The following YIPF7 variants were observed in gnomAD, a reference collection of about 807,000 sequenced individuals.
YIPF7 encodes protein YIPF7.
A neutral mutation model predicts 27.2 loss-of-function variants in YIPF7; 35 were observed. The ratio of observed to expected loss-of-function variants is 1.29; its 90% CI spans 0.98 to 1.70. YIPF7 has a LOEUF of 1.70. YIPF7 is among the 40% of genes most tolerant of loss of function. The probability of loss-of-function intolerance (pLI) is 0.00; values close to 1 mark genes in which losing one functional copy is unlikely to be tolerated. For synonymous variants in YIPF7, 137 were observed against 110.4 expected (o/e 1.24, Z -1.51); for missense variants, 358 against 303.7 (o/e 1.18, Z -1.33).
chr4:44,644,004 C>T (rs1442681412), intron 2 of YIPF7, among the ~76,000 whole-genome samples: 1 of 152,092 alleles, frequency 6.6e-6, no homozygotes, highest in Admixed American at 6.6e-5. Context: ...ACACAGAGTC[C>T]CTCACAGTGC....
intron 4 of YIPF7, chr4:44,629,182 T>C (rs527803011): frequency 9.6e-5 from 40 of 416,930 alleles, no homozygotes; most frequent in Middle Eastern, 1.3e-3. Flanking sequence ...CCTGCTTTGA[T>C]CTGCTTCTTG....
At chr4:44,654,348 G>C (rs1713827203), upstream of YIPF7, among the ~76,000 whole-genome samples, 1 of 151,950 alleles carries the variant, frequency 6.6e-6, no homozygotes, top group African/African-American at 2.4e-5. Context: ...GACCAAAAAG[G>C]CTGCATTAGG....
chr4:44,649,683 G>A (rs533709936), intron 2 of YIPF7, among the ~76,000 whole-genome samples: 1 of 151,832 alleles, frequency 6.6e-6, no homozygotes, highest in African/African-American at 2.4e-5. Context: ...CGAGGCTGAG[G>A]CACAGAATCG....
At chr4:44,624,215 C>A (rs966531162) in intron 5 of YIPF7, among the ~76,000 whole-genome samples, 1 of 151,920 alleles carries the variant, frequency 6.6e-6, no homozygotes, top group African/African-American at 2.4e-5. Flanking sequence ...CAGGCCTGCG[C>A]CACCATGCCT....
chr4:44,622,791 C>G (rs55637944), intron 5 of YIPF7, among the ~76,000 whole-genome samples: 21,293 of 152,132 alleles, frequency 0.14, 1,578 homozygotes, highest in Admixed American at 0.22. Flanking sequence ...TTCTGTTAAA[C>G]CTGAATTAGA....
At chr4:44,624,057 TC>T (rs1712532664) in intron 5 of YIPF7, among the ~76,000 whole-genome samples, 1 of 148,462 alleles carries the variant, frequency 6.7e-6, no homozygotes, top group African/African-American at 2.6e-5. Flanking sequence ...TTTTTCTCTC[TC>T]TCTTTTTTTT....
intron 4 of YIPF7, among the ~76,000 whole-genome samples, chr4:44,626,460 C>T (rs1408493818): frequency 6.6e-6 from 1 of 152,160 alleles, no homozygotes; most frequent in East Asian, 1.9e-4. Context: ...GGACATCTAA[C>T]TGGACCTTCC....
intron 2 of YIPF7, among the ~76,000 whole-genome samples, chr4:44,636,310 T>C (rs1402583005): frequency 6.6e-6 from 1 of 152,188 alleles, no homozygotes; most frequent in East Asian, 1.9e-4. Flanking sequence ...TAATTGAGCA[T>C]GGACAACATG....
upstream of YIPF7, among the ~76,000 whole-genome samples, chr4:44,655,722 T>G (rs1246575616): frequency 2.0e-5 from 3 of 152,094 alleles, no homozygotes; most frequent in Non-Finnish European, 4.4e-5. Flanking sequence ...TTATTTTTAA[T>G]GCATTTTTAT....
At chr4:44,640,927 G>C (rs1429150699) in intron 2 of YIPF7, among the ~76,000 whole-genome samples, 1 of 151,956 alleles carries the variant, frequency 6.6e-6, no homozygotes, top group Non-Finnish European at 1.5e-5. Flanking sequence ...CTAGAATGGT[G>C]TCTTACTTTA....
chr4:44,654,945 GT>G (rs988548605), upstream of YIPF7, among the ~76,000 whole-genome samples: 13 of 152,038 alleles, frequency 8.6e-5, no homozygotes, highest in African/African-American at 2.9e-4. Context: ...TAAAAAGACT[GT>G]AAAAATACAC....
At position 44,624,587 on chromosome 4, in the gene YIPF7, A is replaced by G. The variant is rs1712556878; in HGVS notation, c.608+14T>C. On this transcript the variant is annotated intron_variant, in intron 5 of 5. Transcript: ENST00000415895. ...TTGTGCATGTGGGGTCATTGAGAGC[A>G]CACAGACACTTACTGCAGTGAAAAG... 2 of 1,564,174 alleles carry G rather than the reference A, an allele frequency of 1.3e-6. No individual in the cohort carries two copies. Among genetic ancestry groups the G allele is most frequent in the Non-Finnish European group, 8.6e-7 (1 of 1,156,368 alleles).
chr4:44,641,326 A>G (rs149613518), intron 2 of YIPF7, among the ~76,000 whole-genome samples: 1 of 152,314 alleles, frequency 6.6e-6, no homozygotes, highest in African/African-American at 2.4e-5. Flanking sequence ...CATGCTTGAA[A>G]TGCTTCAAGT....
intron 2 of YIPF7, among the ~76,000 whole-genome samples, chr4:44,640,723 T>A (rs1478640065): frequency 6.6e-6 from 1 of 152,118 alleles, no homozygotes; most frequent in Non-Finnish European, 1.5e-5. Context: ...GCAACTCTCA[T>A]CCTGCTCAAG....
intron 4 of YIPF7, among the ~76,000 whole-genome samples, chr4:44,628,028 A>C (rs1712735226): frequency 6.6e-6 from 1 of 152,200 alleles, no homozygotes; most frequent in Non-Finnish European, 1.5e-5. Flanking sequence ...GCTTTATTAC[A>C]AATGACTTGT....
intron 2 of YIPF7, among the ~76,000 whole-genome samples, chr4:44,656,796 TAG>T (rs926258093): frequency 6.6e-6 from 1 of 152,086 alleles, no homozygotes; most frequent in African/African-American, 2.4e-5. Flanking sequence ...AGACTGCAAT[TAG>T]AGATTCAACG....
Position 44,622,442 on chromosome 4 carries a change from CCAT to C in YIPF7, c.740_742del (p.Tyr247_Gly248delinsTer), listed in dbSNP as rs1310702345. The C allele has an allele frequency of 6.2e-7, 1 of 1,613,334 alleles. No homozygotes were observed. The highest frequency in any genetic ancestry group is 8.5e-7 in the Non-Finnish European group (1 of 1,179,652). ...GAAAATTGTTAGGAGGGCAAAAAGT[CCAT>C]AAAGTATGGCACAAGGGTAGGCAAC... On this transcript the variant is annotated stop_gained and inframe_deletion, in exon 6 of 6. Transcript: ENST00000415895. LOFTEE classifies it high-confidence loss of function.
At position 44,636,066 on chromosome 4, in the gene YIPF7, G is replaced by A. The variant is rs1713109903; in HGVS notation, c.136C>T (p.Pro46Ser). 6.2e-7 allele frequency: 1 copy of A among 1,611,090 alleles called. No individual in the cohort carries two copies. The highest frequency in any genetic ancestry group is 8.5e-7 in the Non-Finnish European group (1 of 1,178,182). ...GATGGAACAAAGGAGGCAGGCTGAG[G>A]CTGCTCACCAGCTTGTTGTCTAGAA... ...GSRKQQAGEQ[P>S]QPASFVPSEM... The change falls in exon 3 of 6, where the codon CCT becomes TCT. Residue 46 changes from proline to serine, a missense_variant. Pro to Ser is a moderately conservative substitution (Grantham distance 74, BLOSUM62 -1). Coordinates refer to ENST00000415895, the MANE Select transcript of YIPF7 (RefSeq NM_182592.3).
chr4:44,623,792 T>C (rs1325977043), intron 5 of YIPF7, among the ~76,000 whole-genome samples: 3 of 152,140 alleles, frequency 2.0e-5, no homozygotes, highest in African/African-American at 7.2e-5. Context: ...TGACTGAGCA[T>C]GTATGATATA....
Sources: gnomAD v4.1 joint callset for allele counts (sites outside exome capture counted in the v4.1 genomes callset) on GRCh38, gnomAD v4.1.1 for gene constraint, MANE v1.5 for transcripts, NCBI Gene and HGNC (gene_info 2026-07-23, HGNC 2026-07-21) for gene names.